The following CAMTA1 variants were observed in gnomAD, a reference collection of about 807,000 sequenced individuals.
The protein encoded by CAMTA1 is calmodulin binding transcription activator 1, also known as calmodulin-binding transcription activator 1.
CAMTA1 carries 27 observed loss-of-function variants against 170.9 expected under a neutral mutation model. That is an observed-to-expected ratio of 0.16 (90% CI 0.12 to 0.22). The LOEUF is 0.22. Ranked by LOEUF, CAMTA1 falls within the 10% of genes least tolerant of loss-of-function variation. The pLI is 1.00. For synonymous variants in CAMTA1, 833 were observed against 891.5 expected (o/e 0.93, Z 1.17); for missense variants, 1,619 against 2,217.2 (o/e 0.73, Z 5.42).
chr1:7,618,312 C>T (rs1474105448), intron 6 of CAMTA1, among the ~76,000 whole-genome samples: 2 of 152,202 alleles, frequency 1.3e-5, no homozygotes, highest in Non-Finnish European at 2.9e-5. Context: ...AGACCAGATT[C>T]CACCCTGTGC....
intron 3 of CAMTA1, among the ~76,000 whole-genome samples, chr1:6,871,489 C>T (rs1206954790): frequency 6.6e-6 from 1 of 152,078 alleles, no homozygotes; most frequent in Non-Finnish European, 1.5e-5. Flanking sequence ...CTGTCATTTC[C>T]AGAAAACAGG....
intron 4 of CAMTA1, among the ~76,000 whole-genome samples, chr1:7,124,176 G>T (rs996628103): frequency 1.3e-5 from 2 of 152,128 alleles, no homozygotes; most frequent in Non-Finnish European, 2.9e-5. Context: ...AGCGTCTCAG[G>T]TCTGCCCTTG....
chr1:7,542,452 T>G (rs563738041), intron 6 of CAMTA1, among the ~76,000 whole-genome samples: 1 of 152,356 alleles, frequency 6.6e-6, no homozygotes, highest in East Asian at 1.9e-4. Flanking sequence ...GTTTGTTTTT[T>G]TGAGACAGAG....
chr1:7,299,914 G>A lies in CAMTA1; in HGVS notation c.438+50288G>A, dbSNP rs936250994. Among the ~76,000 whole-genome samples, 1 of 152,150 alleles carries A rather than the reference G, an allele frequency of 6.6e-6. No homozygotes were observed. Among genetic ancestry groups the A allele is most frequent in the Admixed American group, 6.5e-5 (1 of 15,280 alleles). On this transcript the variant is annotated intron_variant, in intron 5 of 22. Coordinates refer to ENST00000303635, the MANE Select transcript of CAMTA1 (RefSeq NM_015215.4). The surrounding 1 kb of genome is among the most constrained non-coding windows in gnomAD (Gnocchi z 4.7). ...AGACCTAGAGTCTTAGAAGGGGCCC[G>A]TGCAACCAGAGGTGCCCCGAAAGCT...
intron 4 of CAMTA1, among the ~76,000 whole-genome samples, chr1:7,182,339 G>A (rs1452449012): frequency 2.0e-5 from 3 of 151,960 alleles, no homozygotes; most frequent in East Asian, 3.9e-4. Context: ...CCAGGAGTTC[G>A]AGACTAGCCT....
At chr1:7,349,686 C>T (rs2084507701) in intron 5 of CAMTA1, among the ~76,000 whole-genome samples, 2 of 152,212 alleles carry the variant, frequency 1.3e-5, no homozygotes, top group South Asian at 2.1e-4. Context: ...TATAAGGTGA[C>T]CGGTCAGACT....
chr1:7,143,205 A>G (rs540162944), intron 4 of CAMTA1, among the ~76,000 whole-genome samples: 1 of 152,302 alleles, frequency 6.6e-6, no homozygotes, highest in African/African-American at 2.4e-5. Flanking sequence ...AGACTCAGGC[A>G]CACTCCAGGG....
At chr1:7,619,873 C>T (rs141440900) in intron 6 of CAMTA1, among the ~76,000 whole-genome samples, 2 of 152,302 alleles carry the variant, frequency 1.3e-5, no homozygotes, top group African/African-American at 4.8e-5. Flanking sequence ...TGGTCTTGAA[C>T]TCCTGGGCTC....
intron 3 of CAMTA1, among the ~76,000 whole-genome samples, chr1:7,087,581 G>A (rs1640911585): frequency 6.6e-6 from 1 of 152,214 alleles, no homozygotes; most frequent in African/African-American, 2.4e-5. Flanking sequence ...GAGCAGTGGT[G>A]CAGAATGTGA....
At chr1:6,884,156 A>G (rs983135572) in intron 3 of CAMTA1, among the ~76,000 whole-genome samples, 3 of 118,818 alleles carry the variant, frequency 2.5e-5, no homozygotes, top group African/African-American at 9.6e-5. Flanking sequence ...ATCTAAAACC[A>G]TTTCTCACTC....
chr1:7,383,797 G>T (rs2087625399), intron 5 of CAMTA1, among the ~76,000 whole-genome samples: 1 of 152,074 alleles, frequency 6.6e-6, no homozygotes, highest in South Asian at 2.1e-4. Flanking sequence ...GAGGATGATG[G>T]AGATGATGAT....
At chr1:7,469,337 C>A (rs1208017566) in intron 6 of CAMTA1, among the ~76,000 whole-genome samples, 1 of 152,226 alleles carries the variant, frequency 6.6e-6, no homozygotes, top group African/African-American at 2.4e-5. Flanking sequence ...AGGTGTTCCA[C>A]CCCTTGGCAG....
intron 1 of CAMTA1, among the ~76,000 whole-genome samples, chr1:6,787,335 G>A (rs1639702364): frequency 6.6e-6 from 1 of 152,178 alleles, no homozygotes. Context: ...TGGCTCTGGT[G>A]TTGTCTCTTG....
intron 5 of CAMTA1, among the ~76,000 whole-genome samples, chr1:7,419,771 T>C (rs2091438040): frequency 6.6e-6 from 1 of 151,946 alleles, no homozygotes; most frequent in Non-Finnish European, 1.5e-5. Flanking sequence ...AACCAGGACA[T>C]GGCAGTTTTC....
chr1:6,876,655 G>A (rs911178935), intron 3 of CAMTA1, among the ~76,000 whole-genome samples: 2 of 152,138 alleles, frequency 1.3e-5, no homozygotes, highest in African/African-American at 4.8e-5. Flanking sequence ...GAGCTGCTGC[G>A]CCTGGCCAAA....
chr1:7,172,430 A>C (rs1558200964), intron 4 of CAMTA1, among the ~76,000 whole-genome samples: 1 of 152,212 alleles, frequency 6.6e-6, no homozygotes, highest in Admixed American at 6.5e-5. Flanking sequence ...GATTACAGGC[A>C]TGAGCCACTG....
At chr1:7,707,083 A>G (rs1035756873) in intron 11 of CAMTA1, among the ~76,000 whole-genome samples, 2 of 151,574 alleles carry the variant, frequency 1.3e-5, no homozygotes, top group Non-Finnish European at 2.9e-5. Context: ...ATGGGGTTTC[A>G]CTATGTTGGC....
intron 3 of CAMTA1, among the ~76,000 whole-genome samples, chr1:7,042,996 C>A (rs1432423879): frequency 6.6e-6 from 1 of 152,230 alleles, no homozygotes; most frequent in African/African-American, 2.4e-5. Context: ...CCAAACCACC[C>A]CCCAAGTTTC....
intron 1 of CAMTA1, among the ~76,000 whole-genome samples, chr1:6,817,235 A>G (rs1557617131): frequency 6.6e-6 from 1 of 152,236 alleles, no homozygotes; most frequent in Non-Finnish European, 1.5e-5. Context: ...ACCTAAGACC[A>G]TTGTTAAGAT....
Sources: allele counts gnomAD v4.1 joint callset (sites outside exome capture counted in the v4.1 genomes callset), GRCh38; gene constraint gnomAD v4.1.1; non-coding constraint Gnocchi (gnomAD v3.1); transcripts MANE v1.5; gene names NCBI Gene and HGNC (gene_info 2026-07-23, HGNC 2026-07-21).